GBE1: variants seen among roughly 807,000 people sequenced by gnomAD.
GBE1 encodes the protein 1,4-alpha-glucan branching enzyme 1, also known as 1,4-alpha-glucan-branching enzyme.
A neutral mutation model predicts 88.8 loss-of-function variants in GBE1; 70 were observed. That is an observed-to-expected ratio of 0.79 (90% CI 0.65 to 0.96). The LOEUF is 0.96. Ranked by LOEUF, GBE1 falls within the 40% of genes least tolerant of loss-of-function variation. GBE1 has a pLI of 0.00. For synonymous variants in GBE1, 284 were observed against 300.1 expected (o/e 0.95, Z 0.56); for missense variants, 872 against 871.0 (o/e 1.00, Z -0.01).
intron 9 of GBE1, among the ~76,000 whole-genome samples, chr3:81,589,258 G>T (rs766503614): frequency 6.6e-6 from 1 of 151,476 alleles, no homozygotes; most frequent in Non-Finnish European, 1.5e-5. Flanking sequence ...AATGTAAAAT[G>T]GTAGATAAAC....
At chr3:81,621,888 T>C (rs1260098231) in intron 7 of GBE1, among the ~76,000 whole-genome samples, 1 of 152,120 alleles carries the variant, frequency 6.6e-6, no homozygotes, top group Non-Finnish European at 1.5e-5. Context: ...ATGGAAGCAA[T>C]TAAAAAGCAT....
chr3:81,509,383 A>G (rs1446217318), intron 14 of GBE1: 1 of 151,026 alleles, frequency 6.6e-6, no homozygotes, highest in African/African-American at 2.4e-5. Context: ...CTACCTGAAA[A>G]TTAAATACCT....
At chr3:81,504,951 G>GTT (rs1207798132) in intron 14 of GBE1, among the ~76,000 whole-genome samples, 1 of 152,134 alleles carries the variant, frequency 6.6e-6, no homozygotes, top group Non-Finnish European at 1.5e-5. Context: ...TTCAAATTGA[G>GTT]TGACAAAAAG....
intron 3 of GBE1, among the ~76,000 whole-genome samples, chr3:81,662,062 C>T (rs375808646): frequency 2.6e-5 from 4 of 152,120 alleles, no homozygotes; most frequent in East Asian, 1.9e-4. Context: ...GACGAAGTTT[C>T]GCCCTTGTTG....
intron 3 of GBE1, among the ~76,000 whole-genome samples, chr3:81,651,974 C>T (rs1479338130): frequency 6.6e-6 from 1 of 152,178 alleles, no homozygotes; most frequent in African/African-American, 2.4e-5. Flanking sequence ...AGGAACAATA[C>T]CTGCATGGTT....
intron 12 of GBE1, among the ~76,000 whole-genome samples, chr3:81,569,571 A>T (rs1184858210): frequency 1.3e-5 from 2 of 152,268 alleles, no homozygotes; most frequent in African/African-American, 2.4e-5. Flanking sequence ...TGGTCACATG[A>T]CCTCAGCAGG....
intron 1 of GBE1, among the ~76,000 whole-genome samples, chr3:81,738,030 A>G (rs962778457): frequency 2.0e-5 from 3 of 151,608 alleles, no homozygotes; most frequent in African/African-American, 7.3e-5. Flanking sequence ...GCGATAGTTT[A>G]CTGAGAATGA....
intron 7 of GBE1, among the ~76,000 whole-genome samples, chr3:81,613,627 A>G (rs1012141636): frequency 6.6e-6 from 1 of 152,138 alleles, no homozygotes; most frequent in Non-Finnish European, 1.5e-5. Flanking sequence ...TTAAGTGGGC[A>G]TTTTGACAAT....
intron 1 of GBE1, among the ~76,000 whole-genome samples, chr3:81,739,450 A>G (rs1706317641): frequency 6.6e-6 from 1 of 152,216 alleles, no homozygotes; most frequent in Non-Finnish European, 1.5e-5. Flanking sequence ...ACTACAATTT[A>G]TCACTGGATT....
chr3:81,691,454 TA>T (rs202021228), intron 2 of GBE1, among the ~76,000 whole-genome samples: 2,297 of 151,942 alleles, frequency 0.015, 75 homozygotes, highest in African/African-American at 0.053. Flanking sequence ...GACCTAATCA[TA>T]AAAAAAATAA....
At chr3:81,685,568 G>A (rs2107136500) in intron 2 of GBE1, among the ~76,000 whole-genome samples, 1 of 152,128 alleles carries the variant, frequency 6.6e-6, no homozygotes. Flanking sequence ...TTTTAGTAGA[G>A]ACAGGGTTTC....
intron 14 of GBE1, among the ~76,000 whole-genome samples, chr3:81,501,084 A>T (rs1301843540): frequency 1.3e-5 from 2 of 152,184 alleles, no homozygotes; most frequent in Non-Finnish European, 2.9e-5. Flanking sequence ...ACAAACCTGC[A>T]CATGTACCCC....
intron 1 of GBE1, among the ~76,000 whole-genome samples, chr3:81,731,061 G>C (rs868811792): frequency 6.6e-6 from 1 of 152,118 alleles, no homozygotes; most frequent in Non-Finnish European, 1.5e-5. Flanking sequence ...TATAGGCTGA[G>C]AGGCAAAGTA....
intron 2 of GBE1, among the ~76,000 whole-genome samples, chr3:81,702,855 T>C (rs907452836): frequency 3.9e-5 from 6 of 152,062 alleles, no homozygotes; most frequent in African/African-American, 1.4e-4. Context: ...AATTTTTAAA[T>C]GCAATTCTAC....
At position 81,719,926 on chromosome 3, in the gene GBE1, G is replaced by A. The variant is rs570411316; in HGVS notation, c.144-14313C>T. On this transcript the variant is annotated intron_variant, in intron 1 of 15. Transcript: ENST00000429644. ...TAAATATAGCCAGAGAGCCATGGAT[G>A]TTAGCCTTGTGAATGTTTTTATATT... Among the ~76,000 whole-genome samples, 18 of 152,210 alleles carry A rather than the reference G, an allele frequency of 1.2e-4. No individual in the cohort carries two copies. In the South Asian group the frequency reaches 3.3e-3, roughly 28 times the overall value.
chr3:81,605,112 A>G (rs1704086764), intron 7 of GBE1, among the ~76,000 whole-genome samples: 1 of 152,138 alleles, frequency 6.6e-6, no homozygotes, highest in African/African-American at 2.4e-5. Flanking sequence ...ATTTCCCCAA[A>G]TGTAATATAA....
chr3:81,673,412 TA>T (rs1484850947), intron 2 of GBE1, among the ~76,000 whole-genome samples: 1 of 151,980 alleles, frequency 6.6e-6, no homozygotes, highest in East Asian at 1.9e-4. Flanking sequence ...AAGAAAAGGT[TA>T]AATTGAGTTA....
Position 81,581,194 on chromosome 3 carries a change from A to C in GBE1, c.1417T>G (p.Cys473Gly). The C allele has an allele frequency of 6.2e-7, 1 of 1,607,146 alleles. No homozygotes were observed. The highest frequency in any genetic ancestry group is 8.5e-7 in the Non-Finnish European group (1 of 1,176,746). ...TLTNRRYLEK[C>G]IAYAESHDQA... ...TCATGGCTCTCTGCATAAGCAATGC[A>C]CTTTTCAAGGTAGCGCCTGTTTGTG... Residue 473 changes from cysteine to glycine, a missense_variant, in exon 11 of 16, where the codon TGC becomes GGC. By Grantham distance (159) the Cys-to-Gly change is radical. Coordinates refer to ENST00000429644, the MANE Select transcript of GBE1 (RefSeq NM_000158.4).
chr3:81,628,212 T>C (rs1704446691), intron 7 of GBE1, among the ~76,000 whole-genome samples: 1 of 152,162 alleles, frequency 6.6e-6, no homozygotes, highest in South Asian at 2.1e-4. Context: ...ACATATTGTG[T>C]ATCATCCTCT....
Sources: allele counts gnomAD v4.1 joint callset (sites outside exome capture counted in the v4.1 genomes callset), GRCh38; gene constraint gnomAD v4.1.1; transcripts MANE v1.5; gene names NCBI Gene and HGNC (gene_info 2026-07-23, HGNC 2026-07-21).